The following ERBB2 variants were observed in gnomAD, a reference collection of about 807,000 sequenced individuals.
ERBB2 encodes erb-b2 receptor tyrosine kinase 2.
Under a neutral mutation model 149.0 loss-of-function variants are expected in ERBB2, and 61 were observed. The observed-to-expected ratio is 0.41, with a 90% CI of 0.33 to 0.51. The LOEUF (loss-of-function observed/expected upper bound fraction) is 0.51. Among genes scored for constraint, ERBB2 ranks in the 20% least tolerant of loss-of-function variants. ERBB2 has a pLI of 0.25. For missense variants in ERBB2, 1,205 were observed against 1,655.1 expected, an observed-to-expected ratio of 0.73 and a Z score of 4.72; for synonymous variants, 633 against 678.8, an observed-to-expected ratio of 0.93 and a Z score of 1.05.
Position 39,726,450 on chromosome 17 carries a change from C to A in ERBB2, c.2873-112C>A. On this transcript the variant is annotated intron_variant, in intron 23 of 26. Coordinates refer to ENST00000269571, the MANE Select transcript of ERBB2 (RefSeq NM_004448.4). This position sits in a 1 kb window ranked among gnomAD's most constrained non-coding sequence, Gnocchi z 5.1. ...GTGCTACTTCTCTACCACCTGAGGG[C>A]TTTGGGCTGTCCCTTGGGACTGTCT... The A allele has an allele frequency of 1.2e-6, 1 of 828,216 alleles. No homozygotes were observed. The highest frequency in any genetic ancestry group is 2.0e-6 in the Non-Finnish European group (1 of 489,246). 51.3% of individuals were successfully genotyped at this position (828,216 alleles called of 1,614,324 possible).
At chr17:39,697,341 G>GTTTTTTTTT (rs1313244019), upstream of ERBB2, among the ~76,000 whole-genome samples, 1 of 137,846 alleles carries the variant, frequency 7.3e-6, no homozygotes, top group Non-Finnish European at 1.5e-5. Context: ...TGCTAGGGTT[G>GTTTTTTTTT]TTTTTTTGTT....
intron 3 of ERBB2, 32 bp downstream of exon 3, chr17:39,708,566 G>A (rs945026930): frequency 2.5e-6 from 4 of 1,574,906 alleles, no homozygotes; most frequent in Non-Finnish European, 3.5e-6. Context: ...ACCTTCTCTT[G>A]GTTATTCAGA....
intron 14 of ERBB2, 21 bp downstream of exon 14, chr17:39,716,626 G>A (rs1446472228): frequency 6.2e-7 from 1 of 1,608,568 alleles, no homozygotes; most frequent in African/African-American, 1.3e-5. Context: ...GGCGGGCTCA[G>A]AGCTGGGTGG....
At position 39,712,412 on chromosome 17, in the gene ERBB2, T is replaced by C. The variant is rs1243660575; in HGVS notation, c.1112T>C (p.Phe371Ser). Residue 371 changes from phenylalanine to serine, a missense_variant, in exon 9 of 27, where the codon TTT (phenylalanine) becomes TCT (serine). Physicochemically the swap from Phe to Ser is radical, Grantham distance 155. This residue lies in a region of ERBB2 where 569 missense variants were observed against 803.5 expected (regional missense o/e 0.71). Transcript: ENST00000269571. ...IQEFAGCKKI[F>S]GSLAFLPESF... ...GAGTTTGCTGGCTGCAAGAAGATCTTTGGGAGCCTGGCATTTCTGCCGGAG... is the reference window on the plus strand; with the variant it reads ...GAGTTTGCTGGCTGCAAGAAGATCTCTGGGAGCCTGGCATTTCTGCCGGAG... 1 of 1,614,018 alleles carries C rather than the reference T, an allele frequency of 6.2e-7. No individual in the cohort carries two copies. The highest frequency in any genetic ancestry group is 8.5e-7 in the Non-Finnish European group (1 of 1,179,982).
upstream of ERBB2, among the ~76,000 whole-genome samples, chr17:39,691,883 A>C (rs2057712148): frequency 2.3e-5 from 3 of 131,900 alleles, no homozygotes; most frequent in Admixed American, 2.4e-4. Flanking sequence ...ATAGATATAG[A>C]TATAGATATA....
At chr17:39,694,259 A>ATGTGTG (rs2057797230), upstream of ERBB2, among the ~76,000 whole-genome samples, 1 of 28,280 alleles carries the variant, frequency 3.5e-5, no homozygotes, top group African/African-American at 1.0e-4. Flanking sequence ...ATATATATAT[A>ATGTGTG]TATATATATG....
Position 39,728,110 on chromosome 17 carries a change from CTGGCATCAAGAGGTGGGAGG to C in ERBB2, c.*67_*86del. 1 of 1,229,966 alleles carries C rather than the reference CTGGCATCAAGAGGTGGGAGG, an allele frequency of 8.1e-7. No homozygotes were observed. Among genetic ancestry groups the C allele is most frequent in the Admixed American group, 2.4e-5 (1 of 41,844 alleles). The allele number at this position is 1,229,966 out of a possible 1,614,324, so 76.2% of individuals were successfully genotyped here. On this transcript the variant is annotated 3_prime_UTR_variant, in exon 27 of 27. Transcript: ENST00000269571. ...GGGAGCAGGGAAGGCCTGACTTCTG[CTGGCATCAAGAGGTGGGAGG>C]GCCCTCCGACCACTTCCAGGGGAAC...
upstream of ERBB2, among the ~76,000 whole-genome samples, chr17:39,694,248 TATATATATATATATATATATGTG>T: frequency 3.7e-5 from 1 of 27,236 alleles, no homozygotes; most frequent in Admixed American, 3.8e-4. Context: ...TATATATATA[TATATATATATATATATATATGTG>T]TGTATATATA....
upstream of ERBB2, among the ~76,000 whole-genome samples, chr17:39,698,732 G>A (rs1399984652): frequency 6.6e-6 from 1 of 152,124 alleles, no homozygotes; most frequent in African/African-American, 2.4e-5. Context: ...GGAGATGGGG[G>A]GGAGGGAAGA....
At position 39,726,041 on chromosome 17, in the gene ERBB2, G is replaced by A. The variant is rs1253316519; in HGVS notation, c.2872+188G>A. The A allele has an allele frequency of 1.0e-5, 6 of 598,086 alleles. No individual in the cohort carries two copies. The highest frequency in any genetic ancestry group is 1.4e-5 in the Non-Finnish European group (5 of 349,696). The allele number at this position is 598,086 out of a possible 1,614,324, so 37.0% of individuals were successfully genotyped here. ...AAAGCCACTCTTGAGGAACACTCTT[G>A]TACAAAATTAAGCTGGGCACAGTGG... On this transcript the variant is annotated intron_variant, in intron 23 of 26. Transcript: ENST00000269571. The surrounding 1 kb of genome is among the most constrained non-coding windows in gnomAD (Gnocchi z 5.1).
intron 2 of ERBB2, 23 bp from the exon 3 acceptor site, chr17:39,708,298 C>T (rs1167002759): frequency 1.3e-6 from 2 of 1,598,462 alleles, no homozygotes; most frequent in African/African-American, 1.3e-5. Context: ...CTATTTCAGC[C>T]CCACTCTGCT....
chr17:39,691,936 T>TATACATATAC (rs1471860296), upstream of ERBB2, among the ~76,000 whole-genome samples: 1 of 136,008 alleles, frequency 7.4e-6, no homozygotes, highest in African/African-American at 3.0e-5. Context: ...TACATATACA[T>TATACATATAC]ATATATATAT....
In ERBB2 at chr17:39,726,718, T is replaced by C. The variant is rs2059786497; in HGVS notation, c.2970+59T>C. ...GCTAAGAGCACCCTCCTGCAGAGGG[T>C]GGGAAGGAGAGATGAGTCCAGTATG... On this transcript the variant is annotated intron_variant, in intron 24 of 26. Transcript: ENST00000269571. This position sits in a 1 kb window ranked among gnomAD's most constrained non-coding sequence, Gnocchi z 5.1. 6.3e-7 allele frequency: 1 copy of C among 1,598,420 alleles called. No individual in the cohort carries two copies. The highest frequency in any genetic ancestry group is 8.6e-7 in the Non-Finnish European group (1 of 1,165,790).
At position 39,726,377 on chromosome 17, in the gene ERBB2, G is replaced by GA; in HGVS notation, c.2873-182dup. 1.7e-6 allele frequency: 1 copy of GA among 573,442 alleles called. No individual in the cohort carries two copies. Among genetic ancestry groups the GA allele is most frequent in the East Asian group, 2.8e-5 (1 of 35,486 alleles). The allele number at this position is 573,442 out of a possible 1,614,324, so 35.5% of individuals were successfully genotyped here. A position where few individuals can be genotyped will look rare whatever the true frequency, so the allele number is the denominator to read the frequency against. On this transcript the variant is annotated intron_variant, in intron 23 of 26. Coordinates refer to ENST00000269571, the MANE Select transcript of ERBB2 (RefSeq NM_004448.4). This position sits in a 1 kb window ranked among gnomAD's most constrained non-coding sequence, Gnocchi z 5.1. ...CAAAAAGAAAAAAAAAATTAAAAGG[G>GA]AAACTAGAAGAGATGCCAAAGGTTC...
At chr17:39,705,139 C>T (rs1282542068) in intron 1 of ERBB2, among the ~76,000 whole-genome samples, 2 of 152,168 alleles carry the variant, frequency 1.3e-5, no homozygotes, top group South Asian at 2.1e-4. Flanking sequence ...GCAGATCCAC[C>T]GAGAGTGCCT....
At chr17:39,699,894 C>T, upstream of ERBB2, 2 of 771,018 alleles carry the variant, frequency 2.6e-6, no homozygotes, top group Non-Finnish European at 3.6e-6. Flanking sequence ...CCCAGGCCTG[C>T]GCGAAGAGAG....
upstream of ERBB2, chr17:39,699,661 T>A: frequency 1.0e-6 from 1 of 962,140 alleles, no homozygotes; most frequent in Middle Eastern, 2.1e-4. Flanking sequence ...TTATTTGATA[T>A]TAAAACAAAT....
rs2059668541 is a variant in ERBB2 at position 39,724,980 on chromosome 17, G to A, written c.2493+69G>A. ...TATGTCCACAAGGGGCTAGGATGGGGACTCTTGCTGGGCATGTGGCCAGGC... is the reference window on the plus strand; with the variant it reads ...TATGTCCACAAGGGGCTAGGATGGGAACTCTTGCTGGGCATGTGGCCAGGC... On this transcript the variant is annotated intron_variant, in intron 20 of 26. Coordinates refer to ENST00000269571, the MANE Select transcript of ERBB2 (RefSeq NM_004448.4). 1.6e-5 allele frequency: 26 copies of A among 1,608,224 alleles called. No homozygotes were observed. In the South Asian group the frequency reaches 2.5e-4, roughly 16 times the overall value.
chr17:39,727,930 C>T lies in ERBB2; in HGVS notation c.3654C>T (p.Asp1218=). Residue 1218 remains aspartate, a synonymous_variant, in exon 27 of 27, where the codon GAC becomes GAT. Coordinates refer to ENST00000269571, the MANE Select transcript of ERBB2 (RefSeq NM_004448.4). The surrounding 1 kb of genome is among the most constrained non-coding windows in gnomAD (Gnocchi z 4.3). The part of the protein sequence containing the change: ...HPPPAFSPAF[D]NLYYWDQDPP... The stretch of plus-strand genomic sequence containing the variant: ...CTCCTGCCTTCAGCCCAGCCTTCGA[C>T]AACCTCTATTACTGGGACCAGGACC... 1 of 1,614,184 alleles carries T rather than the reference C, an allele frequency of 6.2e-7. No homozygotes were observed. Among genetic ancestry groups the T allele is most frequent in the East Asian group, 2.2e-5 (1 of 44,892 alleles).
Sources: allele counts gnomAD v4.1 joint callset (sites outside exome capture counted in the v4.1 genomes callset), GRCh38; gene constraint gnomAD v4.1.1; regional missense constraint gnomAD v4.1.1; non-coding constraint Gnocchi (gnomAD v3.1); transcripts MANE v1.5; gene names NCBI Gene and HGNC (gene_info 2026-07-23, HGNC 2026-07-21).